The following GABRA2 variants were observed in gnomAD, a reference collection of about 807,000 sequenced individuals.
GABRA2 encodes the protein gamma-aminobutyric acid type A receptor subunit alpha2.
A neutral mutation model predicts 48.7 loss-of-function variants in GABRA2; 16 were observed. That is an observed-to-expected ratio of 0.33 (90% CI 0.22 to 0.50). GABRA2 has a LOEUF of 0.50. Among genes scored for constraint, GABRA2 ranks in the 20% least tolerant of loss-of-function variants. GABRA2 has a pLI of 0.98. For missense variants in GABRA2, 275 were observed against 535.6 expected (o/e 0.51, Z 4.80); for synonymous variants, 185 against 184.5 (o/e 1.00, Z -0.02).
chr4:46,271,936 G>A (rs1241273811), intron 8 of GABRA2, among the ~76,000 whole-genome samples: 1 of 151,594 alleles, frequency 6.6e-6, no homozygotes, highest in African/African-American at 2.4e-5. Context: ...ACTCTACCTG[G>A]AGTCTTTTCA....
intron 3 of GABRA2, among the ~76,000 whole-genome samples, chr4:46,352,911 C>T (rs1163494023): frequency 6.6e-6 from 1 of 152,088 alleles, no homozygotes; most frequent in African/African-American, 2.4e-5. Flanking sequence ...AGAAATTTCT[C>T]TCTGAAAGTC....
chr4:46,335,766 T>A (rs1044287957), intron 3 of GABRA2, among the ~76,000 whole-genome samples: 6 of 152,102 alleles, frequency 3.9e-5, no homozygotes, highest in Non-Finnish European at 8.8e-5. Context: ...CCACCGTGCC[T>A]GGCCCTGATC....
At chr4:46,348,376 A>G (rs1230435917) in intron 3 of GABRA2, among the ~76,000 whole-genome samples, 2 of 152,012 alleles carry the variant, frequency 1.3e-5, no homozygotes, top group African/African-American at 2.4e-5. Context: ...GCGATTCCTT[A>G]GGGATCTAGA....
rs1560413816 is a variant in GABRA2 at position 46,244,698 on chromosome 4, A to AG, written c.*5609dup. Among the ~76,000 whole-genome samples, 2 of 151,284 alleles carry AG rather than the reference A, an allele frequency of 1.3e-5. No individual in the cohort carries two copies. Among genetic ancestry groups the AG allele is most frequent in the South Asian group, 2.1e-4 (1 of 4,818 alleles). The stretch of plus-strand genomic sequence containing the variant: ...TAAAACTGGCAAAATTAGAAAAAAA[A>AG]GGAAATGAAGGAAGTGCTTACTTTT... On this transcript the variant is annotated 3_prime_UTR_variant, in exon 10 of 10. Coordinates refer to ENST00000381620, the MANE Select transcript of GABRA2 (RefSeq NM_000807.4).
chr4:46,343,700 C>A (rs186222063), intron 3 of GABRA2, among the ~76,000 whole-genome samples: 2 of 151,944 alleles, frequency 1.3e-5, no homozygotes. Flanking sequence ...ATGTATAACT[C>A]AACACAGATA....
intron 4 of GABRA2, among the ~76,000 whole-genome samples, chr4:46,319,616 C>T (rs902826118): frequency 6.6e-6 from 1 of 151,680 alleles, no homozygotes; most frequent in African/African-American, 2.4e-5. Flanking sequence ...GGCCAGTAAA[C>T]CCAATTAGTA....
At chr4:46,266,799 G>A (rs1718340991) in intron 8 of GABRA2, among the ~76,000 whole-genome samples, 1 of 133,472 alleles carries the variant, frequency 7.5e-6, no homozygotes, top group South Asian at 2.3e-4. Flanking sequence ...TCAGCTTACT[G>A]CAACCTTTGC....
At chr4:46,338,427 T>A (rs993411990) in intron 3 of GABRA2, among the ~76,000 whole-genome samples, 9 of 151,986 alleles carry the variant, frequency 5.9e-5, no homozygotes, top group African/African-American at 2.2e-4. Flanking sequence ...TTTATCCTAC[T>A]CTTACTTGTA....
intron 3 of GABRA2, among the ~76,000 whole-genome samples, chr4:46,356,143 A>G (rs748793989): frequency 1.3e-5 from 2 of 152,190 alleles, no homozygotes; most frequent in Non-Finnish European, 2.9e-5. Flanking sequence ...CTTAAAATAA[A>G]TATCTTCAAC....
chr4:46,266,340 T>A (rs898474422), intron 8 of GABRA2, among the ~76,000 whole-genome samples: 2 of 148,148 alleles, frequency 1.3e-5, no homozygotes, highest in African/African-American at 4.9e-5. Flanking sequence ...AATAAATTTA[T>A]AAATTTAAAT....
At chr4:46,345,027 G>A (rs1229896199) in intron 3 of GABRA2, among the ~76,000 whole-genome samples, 1 of 151,832 alleles carries the variant, frequency 6.6e-6, no homozygotes, top group Non-Finnish European at 1.5e-5. Flanking sequence ...GGGACCTAGT[G>A]GGAGGTGATT....
intron 3 of GABRA2, among the ~76,000 whole-genome samples, chr4:46,351,428 A>AT (rs1224027828): frequency 6.6e-6 from 1 of 152,000 alleles, no homozygotes; most frequent in Admixed American, 6.6e-5. Context: ...ATTCTCTTTA[A>AT]TTTAATGCAA....
intron 9 of GABRA2, among the ~76,000 whole-genome samples, chr4:46,258,987 A>T (rs1158517614): frequency 1.3e-5 from 2 of 151,872 alleles, no homozygotes; most frequent in Non-Finnish European, 2.9e-5. Flanking sequence ...GAAGCTGAGG[A>T]TGTGGGAAGA....
In GABRA2 at chr4:46,386,281, T is replaced by C. The variant is rs1252684953; in HGVS notation, c.72-92A>G. On this transcript the variant is annotated intron_variant, in intron 2 of 9. Transcript: ENST00000381620. ...TCTTCCTTAATTTAAATTTTAACAC[T>C]CCCTGAGCTATTAGTACCACCCGTT... The C allele has an allele frequency of 4.1e-6, 3 of 731,786 alleles. No individual in the cohort carries two copies. The African/African-American group carries it at 5.7e-5, about 14-fold the overall frequency. 45.3% of individuals were successfully genotyped at this position (731,786 alleles called of 1,614,324 possible). A position where few individuals can be genotyped will look rare whatever the true frequency, so the allele number is the denominator to read the frequency against.
chr4:46,268,338 C>T (rs991341943), intron 8 of GABRA2, among the ~76,000 whole-genome samples: 1 of 151,830 alleles, frequency 6.6e-6, no homozygotes, highest in Non-Finnish European at 1.5e-5. Context: ...AACTCAAACA[C>T]CTCTATAGAA....
chr4:46,382,695 T>C (rs1716925127), intron 3 of GABRA2, among the ~76,000 whole-genome samples: 2 of 152,118 alleles, frequency 1.3e-5, no homozygotes, highest in Admixed American at 1.3e-4. Context: ...CACAATGGAC[T>C]CTCCTTCTCT....
intron 8 of GABRA2, among the ~76,000 whole-genome samples, chr4:46,295,927 T>C (rs893568317): frequency 1.3e-5 from 2 of 152,192 alleles, no homozygotes; most frequent in African/African-American, 4.8e-5. Context: ...CACACAGCAT[T>C]GTCTCTCACC....
rs1287348580 is a variant in GABRA2, at chr4:46,389,990, C to A, written c.-266G>T. The A allele has an allele frequency of 3.1e-6, 3 of 967,560 alleles. No homozygotes were observed. The highest frequency in any genetic ancestry group is 8.2e-5 in the Admixed American group (1 of 12,256). 59.9% of individuals were successfully genotyped at this position (967,560 alleles called of 1,614,324 possible). ...AGGCGTTCGTAGTGGCGGTGATGGG[C>A]GGAGGAGGAGGAAGAGGAGGAGGAG... On this transcript the variant is annotated 5_prime_UTR_variant, in exon 1 of 10. Coordinates refer to ENST00000381620, the MANE Select transcript of GABRA2 (RefSeq NM_000807.4).
At chr4:46,389,493 A>G in intron 1 of GABRA2, 1 of 740,412 alleles carries the variant, frequency 1.4e-6, no homozygotes. Flanking sequence ...AAGACTATAA[A>G]AGAGCCAGGC....
Sources: allele counts gnomAD v4.1 joint callset (sites outside exome capture counted in the v4.1 genomes callset), GRCh38; gene constraint gnomAD v4.1.1; transcripts MANE v1.5; gene names NCBI Gene and HGNC (gene_info 2026-07-23, HGNC 2026-07-21).